Variants in RERE observed in about 807,000 individuals in gnomAD.
The protein encoded by RERE is arginine-glutamic acid dipeptide repeats protein.
A neutral mutation model predicts 146.1 loss-of-function variants in RERE; 40 were observed. The observed-to-expected ratio is 0.27, with a 90% CI of 0.21 to 0.36. The LOEUF is 0.36. Ranked by LOEUF, RERE falls within the 10% of genes least tolerant of loss-of-function variation. RERE has a pLI of 1.00. For missense variants in RERE, 1,933 were observed against 2,138.7 expected, an observed-to-expected ratio of 0.90 and a Z score of 1.90; for synonymous variants, 1,003 against 866.0, an observed-to-expected ratio of 1.16 and a Z score of -2.78.
chr1:8,569,865 C>T (rs1372257203), intron 4 of RERE, among the ~76,000 whole-genome samples: 1 of 152,020 alleles, frequency 6.6e-6, no homozygotes, highest in African/African-American at 2.4e-5. Context: ...ACACTCCAGC[C>T]TGGGTGACAG....
chr1:8,609,539 A>G (rs1020314197), intron 4 of RERE, among the ~76,000 whole-genome samples: 3 of 152,212 alleles, frequency 2.0e-5, no homozygotes, highest in Non-Finnish European at 4.4e-5. Context: ...CATGATCTTT[A>G]TCGATGGTTA....
chr1:8,647,942 TCTTTA>T (rs1457728683), intron 2 of RERE, among the ~76,000 whole-genome samples: 1 of 152,204 alleles, frequency 6.6e-6, no homozygotes, highest in Non-Finnish European at 1.5e-5. Flanking sequence ...TTGCATGTTA[TCTTTA>T]CTTTTTCTTT....
chr1:8,564,832 ATG>A (rs567556868), intron 4 of RERE, among the ~76,000 whole-genome samples: 2,501 of 138,974 alleles, frequency 0.018, 45 homozygotes, highest in Non-Finnish European at 0.027. Flanking sequence ...GTATATGTGT[ATG>A]TGTGTGTGTG....
intron 1 of RERE, among the ~76,000 whole-genome samples, chr1:8,721,545 C>T (rs1639863958): frequency 6.6e-6 from 1 of 151,962 alleles, no homozygotes; most frequent in South Asian, 2.1e-4. Flanking sequence ...AACTCCTGAC[C>T]TCAGGGGATC....
chr1:8,708,469 A>G (rs1468645202), intron 1 of RERE, among the ~76,000 whole-genome samples: 1 of 152,096 alleles, frequency 6.6e-6, no homozygotes, highest in Non-Finnish European at 1.5e-5. Context: ...TGGGGACTAC[A>G]GGTGTGTGCC....
chr1:8,557,037 G>GAA (rs1046532585), intron 5 of RERE, among the ~76,000 whole-genome samples: 132 of 136,472 alleles, frequency 9.7e-4, no homozygotes, highest in African/African-American at 3.2e-3. Context: ...TTCAAAGAAG[G>GAA]AAAAAAAAAA....
At chr1:8,398,337 C>T (rs544051519) in intron 12 of RERE, among the ~76,000 whole-genome samples, 1 of 152,224 alleles carries the variant, frequency 6.6e-6, no homozygotes, top group Non-Finnish European at 1.5e-5. Flanking sequence ...GGGGTTAGTA[C>T]TGAGTGTGGC....
intron 11 of RERE, among the ~76,000 whole-genome samples, chr1:8,440,747 T>A (rs1270659727): frequency 1.5e-5 from 2 of 130,482 alleles, no homozygotes; most frequent in Non-Finnish European, 1.7e-5. Context: ...AAAAAAAAAA[T>A]TAGCTGGGCA....
intron 12 of RERE, among the ~76,000 whole-genome samples, chr1:8,420,921 A>T (rs537237557): frequency 1.3e-5 from 2 of 152,324 alleles, no homozygotes; most frequent in South Asian, 4.1e-4. Flanking sequence ...CACATCATCA[A>T]TAAGAAGGGA....
chr1:8,717,112 G>A (rs1639779755), intron 1 of RERE, among the ~76,000 whole-genome samples: 1 of 152,182 alleles, frequency 6.6e-6, no homozygotes, highest in Non-Finnish European at 1.5e-5. Flanking sequence ...AGCAGTAGGT[G>A]AAAGTACAAA....
At chr1:8,681,500 T>C (rs1638966278) in intron 1 of RERE, among the ~76,000 whole-genome samples, 1 of 152,198 alleles carries the variant, frequency 6.6e-6, no homozygotes, top group Non-Finnish European at 1.5e-5. Context: ...GGCAAATATT[T>C]ACTTAGCTTA....
At chr1:8,582,654 G>C (rs757263626) in intron 4 of RERE, among the ~76,000 whole-genome samples, 1 of 152,166 alleles carries the variant, frequency 6.6e-6, no homozygotes, top group Non-Finnish European at 1.5e-5. Flanking sequence ...CTGGGAGGCA[G>C]AGGTTGCAGT....
chr1:8,443,459 G>GAAAAAAAA (rs144499944), intron 11 of RERE, among the ~76,000 whole-genome samples: 77 of 112,776 alleles, frequency 6.8e-4, no homozygotes, highest in Non-Finnish European at 9.2e-4. Context: ...CTCAAAAAAA[G>GAAAAAAAA]AAAAAAAAAA....
chr1:8,601,774 CACAA>C (rs1384581967), intron 4 of RERE, among the ~76,000 whole-genome samples: 48 of 147,220 alleles, frequency 3.3e-4, no homozygotes, highest in African/African-American at 1.2e-3. Flanking sequence ...CACACACACA[CACAA>C]ACACACACAC....
At chr1:8,636,545 C>G (rs1647103809) in intron 2 of RERE, among the ~76,000 whole-genome samples, 1 of 150,754 alleles carries the variant, frequency 6.6e-6, no homozygotes, top group South Asian at 2.1e-4. Context: ...AACAAAGAAG[C>G]AATAATAATA....
chr1:8,646,491 C>T (rs1470720426), intron 2 of RERE, among the ~76,000 whole-genome samples: 1 of 151,526 alleles, frequency 6.6e-6, no homozygotes, highest in Non-Finnish European at 1.5e-5. Flanking sequence ...GTGTTCATGT[C>T]ACTGCACTGT....
intron 11 of RERE, among the ~76,000 whole-genome samples, chr1:8,446,444 C>T (rs1225634114): frequency 3.4e-4 from 51 of 152,152 alleles, no homozygotes; most frequent in Non-Finnish European, 1.3e-4. Flanking sequence ...CTTGGTGAAT[C>T]TGAAGATTAT....
chr1:8,363,952 TG>T, intron 15 of RERE, 103 bp downstream of exon 15: 1 of 1,064,706 alleles, frequency 9.4e-7, no homozygotes, highest in Non-Finnish European at 1.4e-6. Flanking sequence ...GGACTTTGTC[TG>T]GTAAACAAGA....
intron 7 of RERE, among the ~76,000 whole-genome samples, chr1:8,531,812 T>C (rs1645657924): frequency 6.6e-6 from 1 of 152,220 alleles, no homozygotes; most frequent in Non-Finnish European, 1.5e-5. Context: ...TACATTAAGA[T>C]GATTGCATGG....
Sources: allele counts gnomAD v4.1 joint callset (sites outside exome capture counted in the v4.1 genomes callset), GRCh38; gene constraint gnomAD v4.1.1; transcripts MANE v1.5; gene names NCBI Gene and HGNC (gene_info 2026-07-23, HGNC 2026-07-21).